MALRD1: variants seen among roughly 807,000 people sequenced by gnomAD.
MALRD1 encodes MAM and LDL receptor class A domain containing 1, also known as MAM and LDL-receptor class A domain-containing protein 1.
MALRD1 carries 247 observed loss-of-function variants against 242.1 expected under a neutral mutation model. That is an observed-to-expected ratio of 1.02 (90% CI 0.92 to 1.13). The LOEUF (loss-of-function observed/expected upper bound fraction) is 1.13. Among genes scored for constraint, MALRD1 ranks in the 50% most tolerant of loss-of-function variants. The pLI, the probability that MALRD1 is intolerant of heterozygous loss-of-function variation, is 0.00. For synonymous variants in MALRD1, 995 were observed against 866.6 expected (o/e 1.15, Z -2.60); for missense variants, 2,989 against 2,533.1 (o/e 1.18, Z -3.86).
chr10:19,729,545 C>G (rs1318768945), intron 38 of MALRD1, among the ~76,000 whole-genome samples: 1 of 147,582 alleles, frequency 6.8e-6, no homozygotes, highest in African/African-American at 2.5e-5. Flanking sequence ...GTATAGGATC[C>G]TTTCTTATGT....
intron 28 of MALRD1, among the ~76,000 whole-genome samples, chr10:19,389,835 A>T (rs1487096348): frequency 6.6e-6 from 1 of 152,058 alleles, no homozygotes; most frequent in Non-Finnish European, 1.5e-5. Flanking sequence ...GAATAATTTT[A>T]TATTTTTTGT....
chr10:19,658,801 A>G (rs1037002328), intron 36 of MALRD1, among the ~76,000 whole-genome samples: 10 of 152,102 alleles, frequency 6.6e-5, no homozygotes, highest in African/African-American at 2.4e-5. Context: ...CCACTGTACC[A>G]TTGGCCACAG....
chr10:19,483,262 A>G (rs942853344), intron 29 of MALRD1, among the ~76,000 whole-genome samples: 4 of 152,006 alleles, frequency 2.6e-5, no homozygotes, highest in African/African-American at 7.2e-5. Flanking sequence ...GAAATAATTT[A>G]TGACTAAGTC....
At chr10:19,528,915 T>A (rs117798857) in intron 31 of MALRD1, among the ~76,000 whole-genome samples, 1,624 of 152,242 alleles carry the variant, frequency 0.011, 24 homozygotes, top group Non-Finnish European at 0.012. Flanking sequence ...CCTGGGCAAG[T>A]AGCCCATGAA....
At chr10:19,538,768 T>C (rs1481168382) in intron 32 of MALRD1, among the ~76,000 whole-genome samples, 2 of 152,082 alleles carry the variant, frequency 1.3e-5, no homozygotes, top group Non-Finnish European at 2.9e-5. Context: ...TTTTGTAATT[T>C]ATATAAATTT....
chr10:19,313,778 A>T, intron 21 of MALRD1, among the ~76,000 whole-genome samples: 1 of 151,460 alleles, frequency 6.6e-6, no homozygotes, highest in East Asian at 1.9e-4. Context: ...CTTGCCCCAT[A>T]AAGTGTTATT....
At chr10:19,712,073 T>C (rs1050737484) in intron 38 of MALRD1, among the ~76,000 whole-genome samples, 7 of 152,102 alleles carry the variant, frequency 4.6e-5, no homozygotes, top group African/African-American at 1.7e-4. Context: ...ATGGTTGGTT[T>C]CCCAAGAAAG....
intron 31 of MALRD1, among the ~76,000 whole-genome samples, chr10:19,500,308 A>C (rs1039150400): frequency 1.3e-5 from 2 of 152,238 alleles, no homozygotes; most frequent in Non-Finnish European, 2.9e-5. Context: ...GTATACTATA[A>C]GATGAACAGG....
At chr10:19,116,785 A>C (rs779813867) in intron 5 of MALRD1, among the ~76,000 whole-genome samples, 4 of 152,156 alleles carry the variant, frequency 2.6e-5, no homozygotes, top group Non-Finnish European at 5.9e-5. Context: ...ATTGTGGTAC[A>C]AAGTAAGAAT....
intron 14 of MALRD1, among the ~76,000 whole-genome samples, chr10:19,196,741 A>G (rs1836278536): frequency 6.6e-6 from 1 of 152,052 alleles, no homozygotes; most frequent in African/African-American, 2.4e-5. Flanking sequence ...AACCACCTCC[A>G]AACCTGCCTC....
chr10:19,358,460 T>G (rs1235223073), intron 26 of MALRD1, among the ~76,000 whole-genome samples: 2 of 152,150 alleles, frequency 1.3e-5, no homozygotes, highest in Non-Finnish European at 2.9e-5. Context: ...GAAATAGGAA[T>G]ATCTGACTGG....
At chr10:19,167,150 G>C (rs1834722801) in intron 13 of MALRD1, among the ~76,000 whole-genome samples, 1 of 152,120 alleles carries the variant, frequency 6.6e-6, no homozygotes, top group African/African-American at 2.4e-5. Context: ...ACGAGATCAG[G>C]AGATCGAGAC....
chr10:19,145,808 G>A (rs1034045507), intron 10 of MALRD1, among the ~76,000 whole-genome samples: 2 of 151,890 alleles, frequency 1.3e-5, no homozygotes, highest in African/African-American at 2.4e-5. Context: ...AGTTATTTGT[G>A]TGTCCAGAAT....
At chr10:19,468,548 G>T (rs1396823440) in intron 29 of MALRD1, among the ~76,000 whole-genome samples, 1 of 151,788 alleles carries the variant, frequency 6.6e-6, no homozygotes, top group East Asian at 1.9e-4. Context: ...AAAGTTATCT[G>T]GGAATATATT....
chr10:19,238,632 A>G lies in MALRD1; in HGVS notation c.2992-19052A>G, dbSNP rs1588756530. Among the ~76,000 whole-genome samples the G allele has an allele frequency of 2.3e-5, 3 of 132,712 alleles. No individual in the cohort carries two copies. In the South Asian group the frequency reaches 6.8e-4, roughly 30 times the overall value. 87.1% of individuals were successfully genotyped at this position (132,712 alleles called of 152,430 possible). A position where few individuals can be genotyped will look rare whatever the true frequency, so the allele number is the denominator to read the frequency against. On this transcript the variant is annotated intron_variant, in intron 18 of 39. Coordinates refer to ENST00000454679, the MANE Select transcript of MALRD1 (RefSeq NM_001142308.3). ...GTTTTTAGACACACAGGTTGATTCC[A>G]TATCTGATTATTAGAAATAGTGCTA...
intron 21 of MALRD1, among the ~76,000 whole-genome samples, chr10:19,308,188 C>A: frequency 6.6e-6 from 1 of 151,352 alleles, no homozygotes; most frequent in Admixed American, 6.6e-5. Context: ...CTCCCACTAC[C>A]TTTTCCAGCC....
At chr10:19,729,505 T>TTGTGTG (rs376101597) in intron 38 of MALRD1, among the ~76,000 whole-genome samples, 23 of 148,828 alleles carry the variant, frequency 1.5e-4, no homozygotes, top group African/African-American at 5.6e-4. Context: ...CCATTCTCCA[T>TTGTGTG]TGTGTGTGTG....
At chr10:19,331,927 G>A (rs1402099698) in intron 24 of MALRD1, among the ~76,000 whole-genome samples, 2 of 152,116 alleles carry the variant, frequency 1.3e-5, no homozygotes, top group African/African-American at 2.4e-5. Context: ...GTGCAGTGGC[G>A]TGATCTCGGT....
intron 26 of MALRD1, among the ~76,000 whole-genome samples, chr10:19,360,069 T>A (rs1844824653): frequency 6.6e-6 from 1 of 152,050 alleles, no homozygotes; most frequent in African/African-American, 2.4e-5. Context: ...AGAGAAAAAT[T>A]AAAATAATTA....
Sources: allele counts gnomAD v4.1 joint callset (sites outside exome capture counted in the v4.1 genomes callset), GRCh38; gene constraint gnomAD v4.1.1; transcripts MANE v1.5; gene names NCBI Gene and HGNC (gene_info 2026-07-23, HGNC 2026-07-21).